TRDMT1: variants seen among roughly 807,000 people sequenced by gnomAD.
The protein encoded by TRDMT1 is tRNA (cytosine(38)-C(5))-methyltransferase.
Under a neutral mutation model 51.2 loss-of-function variants are expected in TRDMT1, and 49 were observed. The observed-to-expected ratio is 0.96, with a 90% CI of 0.76 to 1.21. The LOEUF is 1.21. TRDMT1 is among the 50% of genes most tolerant of loss of function. The probability of loss-of-function intolerance (pLI) is 0.00; values close to 1 mark genes in which losing one functional copy is unlikely to be tolerated. For missense variants in TRDMT1, 534 were observed against 462.3 expected (o/e 1.16, Z -1.42); for synonymous variants, 187 against 164.6 (o/e 1.14, Z -1.04).
At chr10:17,165,765 A>G (rs1841113864) in intron 3 of TRDMT1, among the ~76,000 whole-genome samples, 1 of 152,214 alleles carries the variant, frequency 6.6e-6, no homozygotes, top group East Asian at 1.9e-4. Context: ...AAGACACATG[A>G]AAAAATGCTC....
chr10:17,169,006 T>C, intron 2 of TRDMT1, 89 bp from the exon 3 acceptor site: 1 of 852,946 alleles, frequency 1.2e-6, no homozygotes, highest in South Asian at 1.9e-5. Context: ...ATTAAATATA[T>C]CAGAAACTGA....
At position 17,143,083 on chromosome 10, in the gene TRDMT1, G is replaced by C. The variant is rs1564538226; in HGVS notation, c.*5957C>G. 2 of 985,210 alleles carry C rather than the reference G, an allele frequency of 2.0e-6. No homozygotes were observed. The highest frequency in any genetic ancestry group is 1.2e-6 in the Non-Finnish European group (1 of 829,926). 61.0% of individuals were successfully genotyped at this position (985,210 alleles called of 1,614,324 possible). On this transcript the variant is annotated 3_prime_UTR_variant, in exon 11 of 11. Coordinates refer to ENST00000377799, the MANE Select transcript of TRDMT1 (RefSeq NM_004412.7). Reference sequence around the variant, plus strand: ...ATGTGTTCCAGACTTGAGTAACTTTGGCTGTTCCTCTGGGCATGGAAGAAG... The same window carrying C: ...ATGTGTTCCAGACTTGAGTAACTTTCGCTGTTCCTCTGGGCATGGAAGAAG...
rs574730693 is a variant in TRDMT1, at chr10:17,174,256, CT to C, written c.174+294del. Among the ~76,000 whole-genome samples, 162 of 152,236 alleles carry C rather than the reference CT, an allele frequency of 1.1e-3. 3 individuals are homozygous for C. In the South Asian group the frequency reaches 0.033, roughly 31 times the overall value. On this transcript the variant is annotated intron_variant, in intron 2 of 10. Coordinates refer to ENST00000377799, the MANE Select transcript of TRDMT1 (RefSeq NM_004412.7). ...CATAAGTATTTAATAAAAGTAAATA[CT>C]TTTTCGAAGTTCAATATCACCACAG...
rs1227936236 is a variant in TRDMT1, at chr10:17,141,614, T to C, written c.*7426A>G. Among the ~76,000 whole-genome samples, 1 of 152,198 alleles carries C rather than the reference T, an allele frequency of 6.6e-6. No homozygotes were observed. Among genetic ancestry groups the C allele is most frequent in the Non-Finnish European group, 1.5e-5 (1 of 68,032 alleles). On this transcript the variant is annotated 3_prime_UTR_variant, in exon 11 of 11. Transcript: ENST00000377799. The stretch of plus-strand genomic sequence containing the variant: ...GTCCCACAGGTCCCCAAGGCTCTGT[T>C]AATTTTTTTTGTCAGCCTATCTTTG...
intron 1 of TRDMT1, among the ~76,000 whole-genome samples, chr10:17,190,203 T>C (rs575667396): frequency 2.6e-5 from 4 of 152,274 alleles, no homozygotes; most frequent in East Asian, 3.9e-4. Context: ...GTTGGCACTA[T>C]TCCTGGGTAG....
chr10:17,160,604 G>A (rs1168479095), intron 5 of TRDMT1, among the ~76,000 whole-genome samples: 1 of 151,902 alleles, frequency 6.6e-6, no homozygotes, highest in Non-Finnish European at 1.5e-5. Flanking sequence ...CTGAGTAACT[G>A]GGATTACAGG....
At chr10:17,173,831 C>T (rs142303055) in intron 2 of TRDMT1, among the ~76,000 whole-genome samples, 1,749 of 144,598 alleles carry the variant, frequency 0.012, 36 homozygotes, top group African/African-American at 0.044. Context: ...GTGGCGCGAT[C>T]TCAGCTCACT....
chr10:17,148,729 AC>A lies in TRDMT1; in HGVS notation c.*310del. ...CACTTCACAAGATACTCATGTAGACACTAAAGCTCTAGTGCTCCTTGATTTG... is the reference window on the plus strand; with the variant it reads ...CACTTCACAAGATACTCATGTAGACATAAAGCTCTAGTGCTCCTTGATTTG... On this transcript the variant is annotated 3_prime_UTR_variant, in exon 11 of 11. Transcript: ENST00000377799. 1 of 1,010,520 alleles carries A rather than the reference AC, an allele frequency of 9.9e-7. No homozygotes were observed. The highest frequency in any genetic ancestry group is 1.2e-6 in the Non-Finnish European group (1 of 845,802). 62.6% of individuals were successfully genotyped at this position (1,010,520 alleles called of 1,614,324 possible). A position where few individuals can be genotyped will look rare whatever the true frequency, so the allele number is the denominator to read the frequency against.
At chr10:17,161,186 C>T (rs968855542) in intron 5 of TRDMT1, among the ~76,000 whole-genome samples, 5 of 152,292 alleles carry the variant, frequency 3.3e-5, no homozygotes, top group African/African-American at 9.6e-5. Context: ...TCTACTTCCA[C>T]AGAAATAAGC....
chr10:17,173,078 T>G (rs1013958471), intron 2 of TRDMT1, among the ~76,000 whole-genome samples: 1 of 152,242 alleles, frequency 6.6e-6, no homozygotes, highest in East Asian at 1.9e-4. Context: ...TGAAGAATAA[T>G]GAATTTTTTA....
Position 17,148,767 on chromosome 10 carries a change from GT to G in TRDMT1, c.*272del. On this transcript the variant is annotated 3_prime_UTR_variant, in exon 11 of 11. Transcript: ENST00000377799. ...TGCTCCTTGATTTGTTTATAAAATTGTTTTTAAAAAGAATATTCCACATATA... is the reference window on the plus strand; with the variant it reads ...TGCTCCTTGATTTGTTTATAAAATTGTTTTAAAAAGAATATTCCACATATA... 9.6e-7 allele frequency: 1 copy of G among 1,042,010 alleles called. No individual in the cohort carries two copies. The allele number at this position is 1,042,010 out of a possible 1,614,324, so 64.5% of individuals were successfully genotyped here.
At chr10:17,156,897 C>A (rs979519784) in intron 8 of TRDMT1, among the ~76,000 whole-genome samples, 7 of 152,034 alleles carry the variant, frequency 4.6e-5, no homozygotes, top group African/African-American at 1.7e-4. Context: ...GGGAGAAGAA[C>A]TGAATGGTCA....
intron 1 of TRDMT1, among the ~76,000 whole-genome samples, chr10:17,178,677 GAAA>G (rs3054721): frequency 2.1e-4 from 22 of 104,032 alleles, no homozygotes; most frequent in Non-Finnish European, 3.1e-4. Context: ...CTCTGTCTCG[GAAA>G]AAAAAAAAAA....
At chr10:17,159,947 T>C (rs908882346) in intron 6 of TRDMT1, among the ~76,000 whole-genome samples, 10 of 152,182 alleles carry the variant, frequency 6.6e-5, no homozygotes, top group Non-Finnish European at 1.0e-4. Context: ...CATGTTTATA[T>C]TGTTTTCTAT....
In TRDMT1 at chr10:17,154,772, T is replaced by A. The variant is rs374919278; in HGVS notation, c.888-38A>T. ...CACAACAATTATGCAGCACCTGATG[T>A]ATGTGTTAATGCTAAATTTCTTAAA... On this transcript the variant is annotated intron_variant, in intron 8 of 10. Coordinates refer to ENST00000377799, the MANE Select transcript of TRDMT1 (RefSeq NM_004412.7). 9 of 1,539,808 alleles carry A rather than the reference T, an allele frequency of 5.8e-6. No homozygotes were observed. In the South Asian group the frequency reaches 1.1e-4, roughly 18 times the overall value.
chr10:17,167,613 T>C (rs545587568), intron 3 of TRDMT1, among the ~76,000 whole-genome samples: 50 of 152,280 alleles, frequency 3.3e-4, no homozygotes, highest in Non-Finnish European at 4.9e-4. Flanking sequence ...TCCTGAAACA[T>C]ATAGCCAAAT....
chr10:17,162,234 A>C lies in TRDMT1; in HGVS notation c.255T>G (p.Ile85Met). 6.3e-7 allele frequency: 1 copy of C among 1,577,510 alleles called. No homozygotes were observed. Among genetic ancestry groups the C allele is most frequent in the Non-Finnish European group, 8.6e-7 (1 of 1,165,582 alleles). ...MSPPCQPFTR[I>M]GRQGDMTDSR... ...AATCAGTCATATCACCCTGCCGGCC[A>C]ATCCTAAAGGGGTAAAAAAAAAAAA... The change falls in exon 4 of 11, where the codon ATT becomes ATG. Residue 85 changes from isoleucine (I) to methionine (M), a missense_variant. Coordinates refer to ENST00000377799, the MANE Select transcript of TRDMT1 (RefSeq NM_004412.7).
chr10:17,188,682 C>CCT (rs745583558), intron 1 of TRDMT1, among the ~76,000 whole-genome samples: 1 of 152,178 alleles, frequency 6.6e-6, no homozygotes, highest in Non-Finnish European at 1.5e-5. Flanking sequence ...TCAACAGAGC[C>CCT]ACCTTTTAAA....
chr10:17,177,058 G>A (rs1842705613), intron 1 of TRDMT1, among the ~76,000 whole-genome samples: 1 of 151,290 alleles, frequency 6.6e-6, no homozygotes, highest in Admixed American at 6.6e-5. Context: ...GTACTTTGAT[G>A]TATTACTTTG....
Sources: gnomAD v4.1 joint callset for allele counts (sites outside exome capture counted in the v4.1 genomes callset) on GRCh38, gnomAD v4.1.1 for gene constraint, MANE v1.5 for transcripts, NCBI Gene and HGNC (gene_info 2026-07-23, HGNC 2026-07-21) for gene names.